Variants in PLBD2 observed in about 807,000 individuals in gnomAD.
PLBD2 encodes the protein putative aminopeptidase PLBD2.
PLBD2 carries 51 observed loss-of-function variants against 68.3 expected under a neutral mutation model. The observed-to-expected ratio is 0.75, with a 90% confidence interval of 0.60 to 0.94. PLBD2 has a LOEUF of 0.94. PLBD2 is among the 40% of genes least tolerant of loss of function. PLBD2 has a pLI of 0.00. For missense variants in PLBD2, 729 were observed against 792.2 expected (o/e 0.92, Z 0.96); for synonymous variants, 314 against 339.3 (o/e 0.93, Z 0.82).
intron 5 of PLBD2, among the ~76,000 whole-genome samples, chr12:113,376,626 G>C (rs1263730593): frequency 6.6e-6 from 1 of 152,186 alleles, no homozygotes; most frequent in Non-Finnish European, 1.5e-5. Context: ...ACAACCAATT[G>C]CAAGGATTGC....
At position 113,388,810 on chromosome 12, in the gene PLBD2, T is replaced by TC. The variant is rs1246230034; in HGVS notation, c.*189dup. 1.8e-6 allele frequency: 1 copy of TC among 555,490 alleles called. No individual in the cohort carries two copies. The highest frequency in any genetic ancestry group is 2.9e-6 in the Non-Finnish European group (1 of 340,078). The allele number at this position is 555,490 out of a possible 1,614,324, so 34.4% of individuals were successfully genotyped here. A position where few individuals can be genotyped will look rare whatever the true frequency, so the allele number is the denominator to read the frequency against. On this transcript the variant is annotated 3_prime_UTR_variant, in exon 12 of 12. Transcript: ENST00000280800. ...TGGGGCTCAGAACTGACCCCCTCTC[T>TC]CCCCCGAGGTGGGTGGGCACCGTGG...
At chr12:113,374,377 G>T (rs1437011211) in intron 3 of PLBD2, 97 bp from the exon 4 acceptor site, 1 of 842,564 alleles carries the variant, frequency 1.2e-6, no homozygotes, top group Non-Finnish European at 1.9e-6. Flanking sequence ...CTCCTGCTCT[G>T]TCTGAACCCC....
At position 113,384,231 on chromosome 12, in the gene PLBD2, T is replaced by A. The variant is rs1407186302; in HGVS notation, c.1084T>A (p.Trp362Arg). 1 of 1,613,474 alleles carries A rather than the reference T, an allele frequency of 6.2e-7. No individual in the cohort carries two copies. Among genetic ancestry groups the A allele is most frequent in the Non-Finnish European group, 8.5e-7 (1 of 1,179,828 alleles). Residue 362 changes from tryptophan (W) to arginine (R), a missense_variant, in exon 7 of 12, where the codon TGG becomes AGG. Trp to Arg is a moderately radical substitution (Grantham distance 101, BLOSUM62 -3). Coordinates refer to ENST00000280800, the MANE Select transcript of PLBD2 (RefSeq NM_173542.4). This position sits in a 1 kb window ranked among gnomAD's most constrained non-coding sequence, Gnocchi z 4.2. Reference sequence around the variant, plus strand: ...CCGCCTGGCCTCGGATGGGGCCACCTGGGCAGACATCTTCAAGAGGTTCAA... The same window carrying A: ...CCGCCTGGCCTCGGATGGGGCCACCAGGGCAGACATCTTCAAGAGGTTCAA... Reference protein sequence around the residue: ...ANRLASDGATWADIFKRFNSG... With the variant: ...ANRLASDGATRADIFKRFNSG...
At chr12:113,387,713 T>G in intron 10 of PLBD2, 31 bp from the exon 11 acceptor site, 1 of 1,604,702 alleles carries the variant, frequency 6.2e-7, no homozygotes, top group Non-Finnish European at 8.5e-7. Context: ...CTTCCTGGGA[T>G]GACTGATGTT....
At chr12:113,368,311 T>C (rs1208393579) in intron 1 of PLBD2, among the ~76,000 whole-genome samples, 1 of 152,158 alleles carries the variant, frequency 6.6e-6, no homozygotes, top group African/African-American at 2.4e-5. Context: ...CCAGCCCCAA[T>C]CCAGCAGCTT....
chr12:113,388,662 G>A lies in PLBD2; in HGVS notation c.*36G>A. ...CTGCTCTGCTGCTTTCGCCCCTGCT[G>A]ACCCTCGTCAGGGTCACCCCCGTCC... is the stretch of plus-strand genomic sequence containing the variant. On this transcript the variant is annotated 3_prime_UTR_variant, in exon 12 of 12. Transcript: ENST00000280800. The A allele has an allele frequency of 1.3e-6, 2 of 1,526,858 alleles. No individual in the cohort carries two copies. The highest frequency in any genetic ancestry group is 1.8e-6 in the Non-Finnish European group (2 of 1,135,708). 94.6% of individuals were successfully genotyped at this position (1,526,858 alleles called of 1,614,324 possible).
chr12:113,377,592 A>C (rs1957446379), intron 5 of PLBD2, among the ~76,000 whole-genome samples: 1 of 152,008 alleles, frequency 6.6e-6, no homozygotes, highest in South Asian at 2.1e-4. Context: ...CACCCAGCTA[A>C]TTTTTGTATT....
intron 1 of PLBD2, among the ~76,000 whole-genome samples, chr12:113,365,106 A>G (rs1404741914): frequency 3.3e-5 from 5 of 152,140 alleles, no homozygotes; most frequent in East Asian, 1.9e-4. Flanking sequence ...TCTGCATTTG[A>G]TAAGAACTAT....
chr12:113,387,584 G>A (rs1216051679), intron 10 of PLBD2, among the ~76,000 whole-genome samples, 160 bp from the exon 11 acceptor site: 1 of 152,166 alleles, frequency 6.6e-6, no homozygotes, highest in Non-Finnish European at 1.5e-5. Flanking sequence ...GAAGGGGTCC[G>A]GGCCCCAGGC....
At chr12:113,382,383 C>T (rs1162374692) in intron 6 of PLBD2, among the ~76,000 whole-genome samples, 2 of 152,260 alleles carry the variant, frequency 1.3e-5, no homozygotes, top group East Asian at 3.9e-4. Flanking sequence ...GTGACCGTCC[C>T]AGTGACTACT....
chr12:113,372,590 C>T lies in PLBD2; in HGVS notation c.385-59C>T, dbSNP rs919235095. ...TCTGGGGCAGCCTGGGTGGGGGGCT[C>T]TCAGGGAAGAGAGCACCCCAGCTGC... On this transcript the variant is annotated intron_variant, in intron 2 of 11. Transcript: ENST00000280800. The surrounding 1 kb of genome is among the most constrained non-coding windows in gnomAD (Gnocchi z 4.2). 5 of 1,569,250 alleles carry T rather than the reference C, an allele frequency of 3.2e-6. No individual in the cohort carries two copies. The highest frequency in any genetic ancestry group is 1.7e-5 in the Admixed American group (1 of 57,842).
chr12:113,385,868 A>G (rs1200996408), intron 9 of PLBD2, among the ~76,000 whole-genome samples: 1 of 152,054 alleles, frequency 6.6e-6, no homozygotes, highest in Non-Finnish European at 1.5e-5. Flanking sequence ...CTCCTGCCTC[A>G]GCCTCCTGAG....
At chr12:113,378,368 A>G (rs1218954599) in intron 5 of PLBD2, among the ~76,000 whole-genome samples, 2 of 152,106 alleles carry the variant, frequency 1.3e-5, no homozygotes, top group East Asian at 1.9e-4. Context: ...AGTATTATAC[A>G]GAATAGTTTC....
At position 113,384,290 on chromosome 12, in the gene PLBD2, C is replaced by T. The variant is rs1339633957; in HGVS notation, c.1118+25C>T. On this transcript the variant is annotated intron_variant, in intron 7 of 11. Transcript: ENST00000280800. This position sits in a 1 kb window ranked among gnomAD's most constrained non-coding sequence, Gnocchi z 4.2. ...CGTGAGTGGGCTTCTGGCCCTGTGG[C>T]TTCCCCTGCACCAAGAGATAGACCA... The T allele has an allele frequency of 6.3e-6, 10 of 1,594,420 alleles. No homozygotes were observed. The highest frequency in any genetic ancestry group is 1.1e-5 in the South Asian group (1 of 87,938).
At chr12:113,380,999 C>T (rs553002730) in intron 6 of PLBD2, among the ~76,000 whole-genome samples, 157 bp downstream of exon 6, 26 of 152,156 alleles carry the variant, frequency 1.7e-4, no homozygotes, top group African/African-American at 5.5e-4. Context: ...ATGAGGTGGA[C>T]GCTGCCCCAC....
chr12:113,361,336 T>G (rs916246735), intron 1 of PLBD2, among the ~76,000 whole-genome samples: 17 of 148,602 alleles, frequency 1.1e-4, no homozygotes, highest in Admixed American at 2.0e-4. Flanking sequence ...GGTTTTTTTT[T>G]TTTTGTTTTT....
At chr12:113,361,158 G>GA (rs1957290170) in intron 1 of PLBD2, among the ~76,000 whole-genome samples, 1 of 152,036 alleles carries the variant, frequency 6.6e-6, no homozygotes, top group Admixed American at 6.6e-5. Flanking sequence ...GGGACTCTGT[G>GA]TCTTATTTCG....
Position 113,363,699 on chromosome 12 carries a change from G to A in PLBD2, c.290+4809G>A, listed in dbSNP as rs770266858. Among the ~76,000 whole-genome samples the A allele has an allele frequency of 5.3e-5, 8 of 151,962 alleles. No homozygotes were observed. In the South Asian group the frequency reaches 8.3e-4, roughly 16 times the overall value. ...ACTACAGGTGCCCGCCCCCACGCCC[G>A]GCTAATTTTTTGTATTTTTAGTAGA... is the stretch of plus-strand genomic sequence containing the variant. On this transcript the variant is annotated intron_variant, in intron 1 of 11. Coordinates refer to ENST00000280800, the MANE Select transcript of PLBD2 (RefSeq NM_173542.4).
At position 113,384,152 on chromosome 12, in the gene PLBD2, G is replaced by C. The variant is rs750013690; in HGVS notation, c.1005G>C (p.Lys335Asn). Residue 335 changes from lysine (K) to asparagine (N), a missense_variant, in exon 7 of 12, where the codon AAG becomes AAC. Transcript: ENST00000280800. The surrounding 1 kb of genome is among the most constrained non-coding windows in gnomAD (Gnocchi z 4.2). Reference protein sequence around the residue: ...TIGNKNPALWKYVRPRGCVLE... With the variant: ...TIGNKNPALWNYVRPRGCVLE... ...GCAACAAGAACCCAGCCCTGTGGAA[G>C]TATGTGCGGCCCAGGGGCTGTGTGC... 1.9e-6 allele frequency: 3 copies of C among 1,613,762 alleles called. No individual in the cohort carries two copies. The African/African-American group carries it at 4.0e-5, about 22-fold the overall frequency.
Sources: gnomAD v4.1 joint callset for allele counts (sites outside exome capture counted in the v4.1 genomes callset) on GRCh38, gnomAD v4.1.1 for gene constraint, Gnocchi (gnomAD v3.1) non-coding constraint, MANE v1.5 for transcripts, NCBI Gene and HGNC (gene_info 2026-07-23, HGNC 2026-07-21) for gene names.